KCNMB2: variants seen among roughly 807,000 people sequenced by gnomAD.
The protein encoded by KCNMB2 is potassium calcium-activated channel subfamily M regulatory beta subunit 2, also known as calcium-activated potassium channel subunit beta-2.
A neutral mutation model predicts 24.5 loss-of-function variants in KCNMB2; 9 were observed. The ratio of observed to expected loss-of-function variants is 0.37; its 90% CI spans 0.22 to 0.64. KCNMB2 has a LOEUF of 0.64. Ranked by LOEUF, KCNMB2 falls within the 30% of genes least tolerant of loss-of-function variation. KCNMB2 has a pLI of 0.63. For missense variants in KCNMB2, 226 were observed against 284.3 expected, an observed-to-expected ratio of 0.79 and a Z score of 1.47; for synonymous variants, 109 against 104.4, an observed-to-expected ratio of 1.04 and a Z score of -0.27.
intron 1 of KCNMB2, among the ~76,000 whole-genome samples, chr3:178,639,877 C>G (rs754036267): frequency 6.6e-6 from 1 of 152,174 alleles, no homozygotes; most frequent in African/African-American, 2.4e-5. Flanking sequence ...GTTTGCATGT[C>G]TTGCATAACA....
At chr3:178,797,040 A>T (rs530025121) in intron 1 of KCNMB2, among the ~76,000 whole-genome samples, 28 of 151,826 alleles carry the variant, frequency 1.8e-4, no homozygotes, top group African/African-American at 5.3e-4. Context: ...AAAATCAGAT[A>T]AAAAAAAGGA....
intron 1 of KCNMB2, among the ~76,000 whole-genome samples, chr3:178,645,270 G>A (rs939094086): frequency 1.3e-5 from 2 of 151,798 alleles, no homozygotes; most frequent in Admixed American, 6.6e-5. Context: ...GGTTGGTCTC[G>A]AACTCCCAAC....
At chr3:178,756,076 C>T (rs796425511) in intron 1 of KCNMB2, among the ~76,000 whole-genome samples, 9 of 151,832 alleles carry the variant, frequency 5.9e-5, no homozygotes, top group African/African-American at 2.2e-4. Context: ...AATCATGTGA[C>T]AAATCAGTTC....
chr3:178,614,256 T>C (rs1466134780), intron 1 of KCNMB2, among the ~76,000 whole-genome samples: 26 of 26,904 alleles, frequency 9.7e-4, no homozygotes, highest in Non-Finnish European at 1.7e-3. Context: ...TTTATATATA[T>C]ATATATATAT....
At chr3:178,791,202 T>C (rs1226292491) in intron 1 of KCNMB2, among the ~76,000 whole-genome samples, 1 of 152,200 alleles carries the variant, frequency 6.6e-6, no homozygotes, top group Admixed American at 6.5e-5. Flanking sequence ...CATAGCTGTT[T>C]TAAGGAAGCT....
rs573087409 is a variant in KCNMB2, at chr3:178,771,279, C to T, written c.-67-36064C>T. On this transcript the variant is annotated intron_variant, in intron 1 of 4. Transcript: ENST00000452583. Reference sequence around the variant, plus strand: ...GTCAAAATGGGTCTCTCTGTTCCAACCCTTGCTCACTGCAAGGGCTCAACC... The same window carrying T: ...GTCAAAATGGGTCTCTCTGTTCCAATCCTTGCTCACTGCAAGGGCTCAACC... Among the ~76,000 whole-genome samples the T allele has an allele frequency of 3.4e-4, 52 of 151,996 alleles. No homozygotes were observed. The South Asian group carries it at 8.1e-3, about 24-fold the overall frequency.
At chr3:178,673,319 T>A (rs1720968284) in intron 1 of KCNMB2, among the ~76,000 whole-genome samples, 1 of 152,154 alleles carries the variant, frequency 6.6e-6, no homozygotes, top group Middle Eastern at 3.2e-3. Context: ...AGGGAAAATA[T>A]ATTATTAATA....
chr3:178,712,869 T>C (rs936365685), intron 1 of KCNMB2, among the ~76,000 whole-genome samples: 5 of 152,190 alleles, frequency 3.3e-5, no homozygotes, highest in African/African-American at 1.2e-4. Flanking sequence ...AACACATCTG[T>C]GAATTGGGAA....
chr3:178,552,938 C>T (rs1716007006), intron 1 of KCNMB2, among the ~76,000 whole-genome samples: 2 of 152,072 alleles, frequency 1.3e-5, no homozygotes, highest in South Asian at 4.1e-4. Context: ...ACTCGTGTTT[C>T]GAAGGCCTAA....
chr3:178,750,219 A>G (rs1342561049), intron 1 of KCNMB2, among the ~76,000 whole-genome samples: 3 of 150,138 alleles, frequency 2.0e-5, no homozygotes, highest in Non-Finnish European at 4.5e-5. Flanking sequence ...AACTTTGGCA[A>G]AAAAAAAAAA....
intron 1 of KCNMB2, among the ~76,000 whole-genome samples, chr3:178,616,005 G>C (rs960578894): frequency 6.6e-6 from 1 of 152,084 alleles, no homozygotes; most frequent in Non-Finnish European, 1.5e-5. Flanking sequence ...ACTCTGACTG[G>C]TGCCTTATCT....
intron 1 of KCNMB2, among the ~76,000 whole-genome samples, chr3:178,578,304 A>G (rs891251491): frequency 7.2e-5 from 11 of 152,242 alleles, no homozygotes; most frequent in African/African-American, 2.4e-4. Context: ...GGAGAAATCA[A>G]TTAGTTTACA....
chr3:178,664,322 G>A (rs1720640333), intron 1 of KCNMB2, among the ~76,000 whole-genome samples: 1 of 152,130 alleles, frequency 6.6e-6, no homozygotes, highest in Non-Finnish European at 1.5e-5. Flanking sequence ...GGAAAGATAG[G>A]TTGGAGAAAG....
At chr3:178,724,110 T>A (rs1206891873) in intron 1 of KCNMB2, among the ~76,000 whole-genome samples, 2 of 152,206 alleles carry the variant, frequency 1.3e-5, no homozygotes, top group African/African-American at 4.8e-5. Flanking sequence ...TGACAGTGTA[T>A]AAGTATTCCC....
chr3:178,630,158 C>T (rs1719264340), intron 1 of KCNMB2, among the ~76,000 whole-genome samples: 2 of 152,162 alleles, frequency 1.3e-5, no homozygotes. Flanking sequence ...AAGAGACTCT[C>T]TGCTACAGTT....
At chr3:178,794,781 G>A (rs1713468942) in intron 1 of KCNMB2, among the ~76,000 whole-genome samples, 1 of 152,128 alleles carries the variant, frequency 6.6e-6, no homozygotes, top group Non-Finnish European at 1.5e-5. Context: ...AGGTGGGGAG[G>A]GTCTTAAGTA....
At chr3:178,774,628 G>A (rs113177725) in intron 1 of KCNMB2, among the ~76,000 whole-genome samples, 33 of 152,288 alleles carry the variant, frequency 2.2e-4, no homozygotes, top group African/African-American at 7.2e-4. Context: ...CAGAAGCCAG[G>A]AAAAGCACAC....
At chr3:178,601,421 A>C (rs1466420333) in intron 1 of KCNMB2, among the ~76,000 whole-genome samples, 3 of 152,196 alleles carry the variant, frequency 2.0e-5, no homozygotes, top group Admixed American at 6.6e-5. Context: ...CACAACTACC[A>C]CTGGTCTTTT....
intron 4 of KCNMB2, among the ~76,000 whole-genome samples, chr3:178,840,452 G>C (rs886522607): frequency 6.6e-6 from 1 of 152,218 alleles, no homozygotes. Flanking sequence ...GGGATTCTGT[G>C]TGGGAACTCC....
Sources: allele counts gnomAD v4.1 joint callset (sites outside exome capture counted in the v4.1 genomes callset), GRCh38; gene constraint gnomAD v4.1.1; transcripts MANE v1.5; gene names NCBI Gene and HGNC (gene_info 2026-07-23, HGNC 2026-07-21).